GLIS3: variants seen among roughly 807,000 people sequenced by gnomAD.
The protein encoded by GLIS3 is GLIS family zinc finger 3, also known as zinc finger protein GLIS3.
Under a neutral mutation model 78.6 loss-of-function variants are expected in GLIS3, and 53 were observed. That is an observed-to-expected ratio of 0.67 (90% CI 0.54 to 0.85). GLIS3 has a LOEUF of 0.85. GLIS3 is among the 40% of genes least tolerant of loss of function. The pLI is 0.00. For missense variants in GLIS3, 1,703 were observed against 1,231.1 expected (o/e 1.38, Z -5.74); for synonymous variants, 684 against 509.9 (o/e 1.34, Z -4.60).
In GLIS3 at chr9:4,259,532, A is replaced by T. The variant is rs1825311103; in HGVS notation, c.388+26506T>A. Among the ~76,000 whole-genome samples the T allele has an allele frequency of 2.6e-5, 4 of 152,086 alleles. No individual in the cohort carries two copies. The South Asian group carries it at 8.3e-4, about 32-fold the overall frequency. ...TTATTTTATTTACCAAGCTGTTGAC[A>T]ACTCACTAACTCCCCCCACCGCCCA... is the stretch of plus-strand genomic sequence containing the variant. On this transcript the variant is annotated intron_variant, in intron 2 of 10. Transcript: ENST00000381971.
chr9:4,308,454 G>T (rs748937256), intron 4 of GLIS3, among the ~76,000 whole-genome samples: 40 of 152,044 alleles, frequency 2.6e-4, no homozygotes, highest in Non-Finnish European at 5.3e-4. Context: ...CAACGAAGAG[G>T]AGAAGGGAGA....
chr9:3,986,283 G>T (rs1197657359), intron 4 of GLIS3, among the ~76,000 whole-genome samples: 2 of 152,076 alleles, frequency 1.3e-5, no homozygotes, highest in Admixed American at 1.3e-4. Context: ...CATCATGACC[G>T]AAAAATAAAG....
At chr9:4,277,670 G>C (rs1374673137) in intron 2 of GLIS3, among the ~76,000 whole-genome samples, 3 of 152,136 alleles carry the variant, frequency 2.0e-5, no homozygotes, top group Non-Finnish European at 4.4e-5. Flanking sequence ...AATGTCAGAA[G>C]CCCTGAAGTA....
the GLIS3 span, among the ~76,000 whole-genome samples, chr9:4,384,848 A>T: frequency 6.6e-6 from 1 of 152,164 alleles, no homozygotes; most frequent in African/African-American, 2.4e-5. Context: ...CATATCAGAT[A>T]GAAGACTTTC....
chr9:4,385,770 A>G, the GLIS3 span, among the ~76,000 whole-genome samples: 59 of 65,504 alleles, frequency 9.0e-4, 10 homozygotes, highest in African/African-American at 4.3e-3. Flanking sequence ...AGAAAGAAAG[A>G]AAGAAAGAAA....
chr9:4,401,727 G>T, the GLIS3 span, among the ~76,000 whole-genome samples: 1 of 151,896 alleles, frequency 6.6e-6, no homozygotes, highest in Non-Finnish European at 1.5e-5. Flanking sequence ...AAGTAGCTGG[G>T]ACTACAGGTG....
the GLIS3 span, among the ~76,000 whole-genome samples, chr9:4,480,430 G>C: frequency 1.3e-5 from 2 of 152,028 alleles, no homozygotes; most frequent in Non-Finnish European, 2.9e-5. Flanking sequence ...TTGAAGTCCA[G>C]GTTCAAGTGA....
intron 2 of GLIS3, among the ~76,000 whole-genome samples, chr9:4,154,932 T>A (rs2131056331): frequency 6.6e-6 from 1 of 152,324 alleles, no homozygotes; most frequent in African/African-American, 2.4e-5. Flanking sequence ...ACATAAAAAA[T>A]GTCTGCTGCA....
At chr9:4,430,844 G>A in the GLIS3 span, among the ~76,000 whole-genome samples, 1 of 152,150 alleles carries the variant, frequency 6.6e-6, no homozygotes, top group East Asian at 1.9e-4. Flanking sequence ...GAAATCAGGG[G>A]AAAGTTCATG....
At chr9:4,112,782 T>C (rs1350143586) in intron 4 of GLIS3, among the ~76,000 whole-genome samples, 3 of 152,166 alleles carry the variant, frequency 2.0e-5, no homozygotes, top group African/African-American at 7.2e-5. Flanking sequence ...AGTTATGAAA[T>C]ATTTCAAATA....
chr9:4,237,537 A>G (rs534578298), intron 2 of GLIS3, among the ~76,000 whole-genome samples: 1 of 152,362 alleles, frequency 6.6e-6, no homozygotes, highest in East Asian at 1.9e-4. Flanking sequence ...TACAAATGGC[A>G]TCATTATCAT....
chr9:4,350,799 G>GTTTT (rs1817960866), upstream of GLIS3, among the ~76,000 whole-genome samples: 1 of 152,082 alleles, frequency 6.6e-6, no homozygotes, highest in African/African-American at 2.4e-5. Context: ...GGTTTGTTTT[G>GTTTT]TTTTGTTTTG....
chr9:4,368,373 C>T, the GLIS3 span, among the ~76,000 whole-genome samples: 18 of 146,456 alleles, frequency 1.2e-4, no homozygotes, highest in African/African-American at 4.6e-4. Context: ...GAGTCTGAGT[C>T]TCGCTCTGTC....
the GLIS3 span, among the ~76,000 whole-genome samples, chr9:4,373,967 A>G: frequency 6.6e-6 from 1 of 152,112 alleles, no homozygotes; most frequent in Non-Finnish European, 1.5e-5. Context: ...CGCCTGGCCG[A>G]AAATGTAATT....
the GLIS3 span, among the ~76,000 whole-genome samples, chr9:4,407,509 T>C: frequency 1.1e-3 from 169 of 151,920 alleles, no homozygotes; most frequent in African/African-American, 3.7e-3. Context: ...TAGCCGGGCG[T>C]GGTGGCGGGC....
chr9:4,431,995 C>CTT, the GLIS3 span, among the ~76,000 whole-genome samples: 2 of 152,082 alleles, frequency 1.3e-5, no homozygotes, highest in African/African-American at 4.8e-5. Flanking sequence ...TCCAGTAAAA[C>CTT]TTTTTTTACA....
At chr9:3,980,936 C>T (rs1003591303) in intron 4 of GLIS3, among the ~76,000 whole-genome samples, 16 of 152,162 alleles carry the variant, frequency 1.1e-4, no homozygotes, top group South Asian at 2.1e-4. Context: ...ATTTACTACA[C>T]GGTTTCTCTC....
chr9:4,277,269 T>C lies in GLIS3; in HGVS notation c.388+8769A>G, dbSNP rs149261501. Among the ~76,000 whole-genome samples, 5 of 152,358 alleles carry C rather than the reference T, an allele frequency of 3.3e-5. No individual in the cohort carries two copies. In the East Asian group the frequency reaches 7.7e-4, roughly 23 times the overall value. On this transcript the variant is annotated intron_variant, in intron 2 of 10. Coordinates refer to ENST00000381971, the MANE Select transcript of GLIS3 (RefSeq NM_001042413.2). ...AGGAAAGTAACATTTTAAATCAGTG[T>C]ATTTTAAAATCTATGATGTGGCAGT...
chr9:4,026,245 G>C (rs1050510698), intron 4 of GLIS3, among the ~76,000 whole-genome samples: 1 of 152,166 alleles, frequency 6.6e-6, no homozygotes, highest in African/African-American at 2.4e-5. Flanking sequence ...TATTTACTGA[G>C]AAACAGTGTC....
Sources: allele counts gnomAD v4.1 joint callset (sites outside exome capture counted in the v4.1 genomes callset), GRCh38; gene constraint gnomAD v4.1.1; transcripts MANE v1.5; gene names NCBI Gene and HGNC (gene_info 2026-07-23, HGNC 2026-07-21).